METAP1D: variants seen among roughly 807,000 people sequenced by gnomAD.
The protein encoded by METAP1D is methionine aminopeptidase 1D, mitochondrial.
A neutral mutation model predicts 40.5 loss-of-function variants in METAP1D; 31 were observed. The ratio of observed to expected loss-of-function variants is 0.77; its 90% CI spans 0.58 to 1.03. METAP1D has a LOEUF of 1.03. Among genes scored for constraint, METAP1D ranks in the 50% least tolerant of loss-of-function variants. The pLI, the probability that METAP1D is intolerant of heterozygous loss-of-function variation, is 0.00. For synonymous variants in METAP1D, 151 were observed against 146.4 expected, an observed-to-expected ratio of 1.03 and a Z score of -0.22; for missense variants, 411 against 420.7, an observed-to-expected ratio of 0.98 and a Z score of 0.20.
intron 1 of METAP1D, among the ~76,000 whole-genome samples, chr2:172,039,901 T>C (rs1689476216): frequency 1.3e-5 from 2 of 152,118 alleles, no homozygotes; most frequent in Non-Finnish European, 2.9e-5. Context: ...GGTCTCGAAC[T>C]CCTGACCTCG....
chr2:172,015,296 C>G (rs1336772772), intron 1 of METAP1D, among the ~76,000 whole-genome samples: 1 of 152,112 alleles, frequency 6.6e-6, no homozygotes, highest in Non-Finnish European at 1.5e-5. Flanking sequence ...CCTGTAATCC[C>G]AGCTACTTGG....
At chr2:172,002,875 TTTTAAAAAAGGCATGAGGTTTCTC>T (rs1324110837) in intron 1 of METAP1D, among the ~76,000 whole-genome samples, 6 of 152,150 alleles carry the variant, frequency 3.9e-5, no homozygotes. Context: ...TTTTTTAACC[TTTTAAAAAAGGCATGAGGTTTCTC>T]TTGTGACGCC....
At chr2:172,004,028 CCA>C (rs1389719788) in intron 1 of METAP1D, among the ~76,000 whole-genome samples, 2 of 151,972 alleles carry the variant, frequency 1.3e-5, no homozygotes, top group African/African-American at 4.8e-5. Context: ...CCTCAGCCTC[CCA>C]CAGTGCTGGG....
chr2:172,017,326 T>C (rs193107284), intron 1 of METAP1D, among the ~76,000 whole-genome samples: 8 of 150,484 alleles, frequency 5.3e-5, no homozygotes, highest in African/African-American at 1.7e-4. Context: ...GACAGACATA[T>C]ATATGTGTAT....
At chr2:172,022,169 C>G (rs1689023064) in intron 1 of METAP1D, among the ~76,000 whole-genome samples, 1 of 152,144 alleles carries the variant, frequency 6.6e-6, no homozygotes, top group African/African-American at 2.4e-5. Context: ...TAAACATGAT[C>G]CCACCCTGCC....
intron 5 of METAP1D, among the ~76,000 whole-genome samples, chr2:172,068,254 G>C (rs1238193959): frequency 6.6e-6 from 1 of 152,014 alleles, no homozygotes; most frequent in Non-Finnish European, 1.5e-5. Flanking sequence ...TTAGCCCTGT[G>C]TGGGGGCAGG....
chr2:172,030,849 C>T (rs1278048659), intron 1 of METAP1D, among the ~76,000 whole-genome samples: 2 of 152,152 alleles, frequency 1.3e-5, no homozygotes, highest in African/African-American at 2.4e-5. Flanking sequence ...TAAGCTCACT[C>T]ACATGTATGT....
intron 1 of METAP1D, among the ~76,000 whole-genome samples, chr2:172,042,797 GTA>G (rs782472241): frequency 4.8e-5 from 1 of 20,832 alleles, no homozygotes; most frequent in African/African-American, 2.2e-4. Context: ...GTGTGTGTGT[GTA>G]TATGTACACA....
At chr2:172,017,395 G>A (rs1197861825) in intron 1 of METAP1D, among the ~76,000 whole-genome samples, 1 of 150,064 alleles carries the variant, frequency 6.7e-6, no homozygotes, top group Non-Finnish European at 1.5e-5. Context: ...GTATATATGT[G>A]TATATATGTA....
At position 172,021,515 on chromosome 2, in the gene METAP1D, T is replaced by C. The variant is rs185171937; in HGVS notation, c.40+21506T>C. ...AAGTCCCACCAAACAGTAAAAGACT[T>C]TTCTTGCATTTCTGAAAAACTAGAA... On this transcript the variant is annotated intron_variant, in intron 1 of 9. Coordinates refer to ENST00000315796, the MANE Select transcript of METAP1D (RefSeq NM_199227.3). Among the ~76,000 whole-genome samples, 42 of 152,344 alleles carry C rather than the reference T, an allele frequency of 2.8e-4. No individual in the cohort carries two copies. The East Asian group carries it at 7.9e-3, about 29-fold the overall frequency.
intron 1 of METAP1D, among the ~76,000 whole-genome samples, chr2:172,016,090 C>G (rs1688844050): frequency 7.6e-6 from 1 of 132,136 alleles, no homozygotes; most frequent in African/African-American, 2.7e-5. Flanking sequence ...AACTCCGTCT[C>G]TATCAAAAAA....
intron 1 of METAP1D, among the ~76,000 whole-genome samples, chr2:172,061,165 G>A (rs528066795): frequency 1.3e-5 from 2 of 152,286 alleles, no homozygotes; most frequent in East Asian, 3.9e-4. Flanking sequence ...ATCTAGGGTC[G>A]TCTTGGACAT....
At chr2:172,079,297 C>A (rs1286123221) in intron 8 of METAP1D, 35 bp downstream of exon 8, 6 of 1,610,522 alleles carry the variant, frequency 3.7e-6, no homozygotes, top group Non-Finnish European at 5.1e-6. Context: ...GAGTGCGTAG[C>A]TCCTGGTGGA....
intron 3 of METAP1D, among the ~76,000 whole-genome samples, chr2:172,064,646 C>A (rs933471669): frequency 1.5e-4 from 22 of 150,506 alleles, no homozygotes; most frequent in Non-Finnish European, 2.8e-4. Flanking sequence ...AGATTTAGTT[C>A]TTTCATTTAG....
At chr2:172,049,377 GTTTACTTATATACATATA>G (rs1262201992) in intron 1 of METAP1D, among the ~76,000 whole-genome samples, 1 of 149,598 alleles carries the variant, frequency 6.7e-6, no homozygotes, top group East Asian at 1.9e-4. Flanking sequence ...TTATATTTAT[GTTTACTTATATACATATA>G]TTTACTTATA....
Position 172,034,545 on chromosome 2 carries a change from A to G in METAP1D, c.41-26953A>G, listed in dbSNP as rs1020623558. Among the ~76,000 whole-genome samples the G allele has an allele frequency of 5.9e-5, 9 of 152,198 alleles. No homozygotes were observed. In the South Asian group the frequency reaches 8.3e-4, roughly 14 times the overall value. ...ATAATATGTATGATGTTACTTTGTA[A>G]ATTGCCACAAATATATCAACTGTTT... On this transcript the variant is annotated intron_variant, in intron 1 of 9. Coordinates refer to ENST00000315796, the MANE Select transcript of METAP1D (RefSeq NM_199227.3).
intron 1 of METAP1D, among the ~76,000 whole-genome samples, chr2:172,045,522 G>A (rs1398396662): frequency 2.0e-5 from 3 of 148,358 alleles, no homozygotes; most frequent in African/African-American, 7.4e-5. Context: ...TTAGCCGGGC[G>A]TGGTGGCGCA....
intron 1 of METAP1D, among the ~76,000 whole-genome samples, chr2:172,010,805 G>A (rs1051145440): frequency 6.2e-5 from 9 of 144,344 alleles, no homozygotes; most frequent in Admixed American, 2.2e-4. Context: ...CTGGAGTGCA[G>A]TGGCATGATC....
In METAP1D at chr2:172,063,263, G is replaced by A. The variant is rs140615103; in HGVS notation, c.199-448G>A. Among the ~76,000 whole-genome samples the A allele has an allele frequency of 7.3e-3, 1,114 of 152,256 alleles. 16 individuals are homozygous for A. The highest frequency in any genetic ancestry group is 0.023 in the African/African-American group (957 of 41,544). On this transcript the variant is annotated intron_variant, in intron 2 of 9. Coordinates refer to ENST00000315796, the MANE Select transcript of METAP1D (RefSeq NM_199227.3). ...CTTGATAGTCAGCCTTTTTACATAT[G>A]TTCATTTTGAGAGGGTGTTGGGAGC...
Sources: allele counts gnomAD v4.1 joint callset (sites outside exome capture counted in the v4.1 genomes callset), GRCh38; gene constraint gnomAD v4.1.1; transcripts MANE v1.5; gene names NCBI Gene and HGNC (gene_info 2026-07-23, HGNC 2026-07-21).